Variants in CELF2 observed in about 807,000 individuals in gnomAD.
CELF2 encodes CUG triplet repeat RNA-binding protein 2.
In CELF2, 8 loss-of-function variants were observed where a neutral mutation model predicts 62.6. The ratio of observed to expected loss-of-function variants is 0.13; its 90% confidence interval spans 0.07 to 0.23. The LOEUF (loss-of-function observed/expected upper bound fraction) is 0.23, where lower values mean the gene tolerates loss of function less well. Among genes scored for constraint, CELF2 ranks in the 10% least tolerant of loss-of-function variants. The pLI, the probability that CELF2 is intolerant of heterozygous loss-of-function variation, is 1.00. For synonymous variants in CELF2, 258 were observed against 250.0 expected (o/e 1.03, Z -0.30); for missense variants, 333 against 671.0 (o/e 0.50, Z 5.56).
chr10:11,112,072 C>T (rs2055314788), intron 1 of CELF2, among the ~76,000 whole-genome samples: 1 of 152,306 alleles, frequency 6.6e-6, no homozygotes, highest in East Asian at 1.9e-4. Context: ...AAGGAGACCT[C>T]TTAGATATTT....
chr10:10,640,296 G>T, the CELF2 span, among the ~76,000 whole-genome samples: 4 of 152,168 alleles, frequency 2.6e-5, no homozygotes, highest in East Asian at 7.7e-4. Flanking sequence ...TTGCAATGCT[G>T]TGAAAACATT....
At chr10:11,153,165 G>A (rs2063653676) in intron 1 of CELF2, among the ~76,000 whole-genome samples, 1 of 152,104 alleles carries the variant, frequency 6.6e-6, no homozygotes, top group African/African-American at 2.4e-5. Context: ...CTGTTGTTCA[G>A]GTTGACCCAC....
At chr10:10,865,254 C>T (rs12264857) in intron 1 of CELF2, among the ~76,000 whole-genome samples, 2,337 of 152,294 alleles carry the variant, frequency 0.015, 75 homozygotes, top group African/African-American at 0.054. Flanking sequence ...ATGGGATTAT[C>T]TCTGAAGCCA....
In CELF2 at chr10:11,305,824, C is replaced by A. The variant is rs1452413650; in HGVS notation, c.977-8315C>A. 1.3e-5 allele frequency among the ~76,000 whole-genome samples: 2 copies of A among 152,230 alleles called. No individual in the cohort carries two copies. The highest frequency in any genetic ancestry group is 2.9e-5 in the Non-Finnish European group (2 of 68,040). On this transcript the variant is annotated intron_variant, in intron 9 of 12. Coordinates refer to ENST00000633077, the MANE Select transcript of CELF2 (RefSeq NM_001326342.2). The surrounding 1 kb of genome is among the most constrained non-coding windows in gnomAD (Gnocchi z 4.8). ...TTTTCCAACAGTGAGCTTATCTGGG[C>A]AAACAAGCAAAGAACTTCTGTGGCC...
intron 1 of CELF2, among the ~76,000 whole-genome samples, chr10:10,848,030 C>G (rs2059126389): frequency 6.6e-6 from 1 of 152,176 alleles, no homozygotes; most frequent in Non-Finnish European, 1.5e-5. Flanking sequence ...CTCTCCCTCT[C>G]TCCTTTCTCT....
At chr10:11,313,628 T>C (rs531197439) in intron 9 of CELF2, among the ~76,000 whole-genome samples, 8 of 152,168 alleles carry the variant, frequency 5.3e-5, no homozygotes, top group Non-Finnish European at 8.8e-5. Flanking sequence ...TACCACACAC[T>C]TAAATGACAA....
At position 11,177,423 on chromosome 10, in the gene CELF2, A is replaced by T. The variant is rs957397229; in HGVS notation, c.271+11741A>T. Among the ~76,000 whole-genome samples the T allele has an allele frequency of 7.7e-6, 1 of 129,792 alleles. No homozygotes were observed. Among genetic ancestry groups the T allele is most frequent in the Non-Finnish European group, 1.6e-5 (1 of 60,942 alleles). 85.1% of individuals were successfully genotyped at this position (129,792 alleles called of 152,430 possible). A position where few individuals can be genotyped will look rare whatever the true frequency, so the allele number is the denominator to read the frequency against. ...GGCTTATGTTTGCATGTGTGAATTA[A>T]AAAAAAAAAAAAGAGAAAATTAGGT... On this transcript the variant is annotated intron_variant, in intron 2 of 12. Coordinates refer to ENST00000633077, the MANE Select transcript of CELF2 (RefSeq NM_001326342.2). The surrounding 1 kb of genome is among the most constrained non-coding windows in gnomAD (Gnocchi z 4.8).
the CELF2 span, among the ~76,000 whole-genome samples, chr10:10,653,917 A>G: frequency 2.6e-5 from 4 of 152,054 alleles, no homozygotes; most frequent in East Asian, 1.9e-4. Flanking sequence ...CAAAACATCA[A>G]TGAATCCAGG....
At chr10:10,555,323 T>C in the CELF2 span, among the ~76,000 whole-genome samples, 6 of 151,560 alleles carry the variant, frequency 4.0e-5, no homozygotes, top group Non-Finnish European at 5.9e-5. Flanking sequence ...GTTAAAATAA[T>C]GTCCATCTAA....
chr10:11,243,863 A>G lies in CELF2; in HGVS notation c.355-5290A>G, dbSNP rs2074779307. 6.6e-6 allele frequency among the ~76,000 whole-genome samples: 1 copy of G among 152,140 alleles called. No homozygotes were observed. The highest frequency in any genetic ancestry group is 1.5e-5 in the Non-Finnish European group (1 of 68,024). On this transcript the variant is annotated intron_variant, in intron 3 of 12. Transcript: ENST00000633077. The surrounding 1 kb of genome is among the most constrained non-coding windows in gnomAD (Gnocchi z 4.1). The stretch of plus-strand genomic sequence containing the variant: ...GTTTAATTAGCACACGTCTCTTCAG[A>G]GACTCCTTGCAAAAATTCTGGAAGA...
At chr10:11,060,756 A>G (rs139037124) in intron 1 of CELF2, among the ~76,000 whole-genome samples, 75 of 152,252 alleles carry the variant, frequency 4.9e-4, no homozygotes, top group African/African-American at 1.6e-3. Flanking sequence ...TCTGTTTCAC[A>G]CTTTGGTAAT....
intron 1 of CELF2, among the ~76,000 whole-genome samples, chr10:11,053,461 G>A (rs1408195934): frequency 2.0e-5 from 3 of 152,028 alleles, no homozygotes; most frequent in African/African-American, 7.3e-5. Context: ...GTTGTGGATG[G>A]ATTAGGGGGA....
chr10:11,185,438 G>T (rs1171995972), intron 2 of CELF2, among the ~76,000 whole-genome samples: 1 of 152,092 alleles, frequency 6.6e-6, no homozygotes, highest in African/African-American at 2.4e-5. Flanking sequence ...CCCCAAGATG[G>T]AGTTTCACTC....
At chr10:10,560,733 G>A in the CELF2 span, among the ~76,000 whole-genome samples, 1 of 152,182 alleles carries the variant, frequency 6.6e-6, no homozygotes, top group Non-Finnish European at 1.5e-5. Context: ...CATGTTTATA[G>A]CAGCATAAGT....
chr10:10,578,866 A>G, the CELF2 span, among the ~76,000 whole-genome samples: 1 of 152,092 alleles, frequency 6.6e-6, no homozygotes, highest in Non-Finnish European at 1.5e-5. Flanking sequence ...AATCATCCCA[A>G]TGCTTGATAC....
chr10:10,745,757 C>T, the CELF2 span, among the ~76,000 whole-genome samples: 2 of 152,208 alleles, frequency 1.3e-5, no homozygotes, highest in Non-Finnish European at 2.9e-5. Context: ...ACCATCAAGC[C>T]TCCCTACCTT....
chr10:10,664,079 C>A, the CELF2 span, among the ~76,000 whole-genome samples: 1 of 152,114 alleles, frequency 6.6e-6, no homozygotes, highest in Non-Finnish European at 1.5e-5. Context: ...AAACTATAAG[C>A]CTCTTCAAAA....
the CELF2 span, among the ~76,000 whole-genome samples, chr10:10,769,412 G>A: frequency 1.3e-5 from 2 of 152,152 alleles, no homozygotes; most frequent in Non-Finnish European, 2.9e-5. Context: ...AAAACGTGCT[G>A]CAGTGAGAGG....
At chr10:10,605,721 T>G in the CELF2 span, among the ~76,000 whole-genome samples, 195 of 152,324 alleles carry the variant, frequency 1.3e-3, no homozygotes, top group Non-Finnish European at 2.0e-3. Context: ...TGCGCAAATA[T>G]TCTGTGAAAC....
Sources: gnomAD v4.1 joint callset for allele counts (sites outside exome capture counted in the v4.1 genomes callset) on GRCh38, gnomAD v4.1.1 for gene constraint, Gnocchi (gnomAD v3.1) non-coding constraint, MANE v1.5 for transcripts, NCBI Gene and HGNC (gene_info 2026-07-23, HGNC 2026-07-21) for gene names.